DIXDC1: variants seen among roughly 807,000 people sequenced by gnomAD.
The protein encoded by DIXDC1 is dixin.
A neutral mutation model predicts 103.1 loss-of-function variants in DIXDC1; 64 were observed. The ratio of observed to expected loss-of-function variants is 0.62; its 90% CI spans 0.51 to 0.76. The LOEUF (loss-of-function observed/expected upper bound fraction) is 0.76. Among genes scored for constraint, DIXDC1 ranks in the 30% least tolerant of loss-of-function variants. The pLI is 0.00. For synonymous variants in DIXDC1, 266 were observed against 298.5 expected (o/e 0.89, Z 1.12); for missense variants, 759 against 834.2 (o/e 0.91, Z 1.11).
rs1555167496 is a variant in DIXDC1, at chr11:111,929,920, T to C, written c.57+10T>C. On this transcript the variant is annotated intron_variant, in intron 2 of 5. Coordinates refer to the DIXDC1 transcript ENST00000529225. ...GCCAACAGAGCCTTCTGTAAGTTTTTGGTGTACTATTGTGAAAAGCGTGAT... is the reference window on the plus strand; with the variant it reads ...GCCAACAGAGCCTTCTGTAAGTTTTCGGTGTACTATTGTGAAAAGCGTGAT... 2.6e-6 allele frequency: 4 copies of C among 1,535,642 alleles called. No homozygotes were observed. In the African/African-American group the frequency reaches 5.5e-5, roughly 21 times the overall value.
rs1861788252 is a variant in DIXDC1, at chr11:112,022,449, T to C, written c.*3413T>C. On this transcript the variant is annotated 3_prime_UTR_variant, in exon 20 of 20. Transcript: ENST00000440460. The surrounding 1 kb of genome is among the most constrained non-coding windows in gnomAD (Gnocchi z 4.9). ...GTATTCTCCCTGTTTTACAATATGT[T>C]TTCATGAAGACTATGTTACACCAGA... The C allele has an allele frequency of 6.6e-6, 1 of 152,664 alleles. No homozygotes were observed. The highest frequency in any genetic ancestry group is 2.1e-4 in the South Asian group (1 of 4,838). The allele number at this position is 152,664 out of a possible 1,614,324, so 9.5% of individuals were successfully genotyped here.
At position 111,957,998 on chromosome 11, in the gene DIXDC1, G is replaced by A. The variant is rs114660891; in HGVS notation, c.61-6551G>A. Among the ~76,000 whole-genome samples, 616 of 152,358 alleles carry A rather than the reference G, an allele frequency of 4.0e-3. 3 individuals are homozygous for A. Among genetic ancestry groups the A allele is most frequent in the African/African-American group, 0.014 (571 of 41,580 alleles). ...AGCCTGCCCCCTCTGAGTTGGCAGG[G>A]TGGGAGCTTTATGCTCTCTGGGTGC... On this transcript the variant is annotated intron_variant, in intron 1 of 19. Transcript: ENST00000440460.
Position 111,993,021 on chromosome 11 carries a change from GT to G in DIXDC1, c.1272+20del. ...GAATATAAAGTAAGAATGAATATCAGTTTGGAAATGACTTCCACTGACTTTT... is the reference window on the plus strand; with the variant it reads ...GAATATAAAGTAAGAATGAATATCAGTTGGAAATGACTTCCACTGACTTTT... On this transcript the variant is annotated intron_variant, in intron 12 of 19. Coordinates refer to ENST00000440460, the MANE Select transcript of DIXDC1 (RefSeq NM_001037954.4). 1 of 1,589,418 alleles carries G rather than the reference GT, an allele frequency of 6.3e-7. No individual in the cohort carries two copies.
intron 2 of DIXDC1, among the ~76,000 whole-genome samples, chr11:111,966,639 G>A (rs1208142584): frequency 6.6e-6 from 1 of 152,090 alleles, no homozygotes; most frequent in African/African-American, 2.4e-5. Flanking sequence ...TCTTGACCTC[G>A]TGATCTGCCT....
upstream of DIXDC1, chr11:111,937,140 G>C (rs1386623561): frequency 5.3e-5 from 40 of 749,810 alleles, 1 homozygote; most frequent in East Asian, 1.3e-4. Context: ...GCGGGGGGGG[G>C]GTGTGCGCGT....
chr11:111,970,070 T>G (rs1859863604), intron 3 of DIXDC1, among the ~76,000 whole-genome samples: 1 of 152,162 alleles, frequency 6.6e-6, no homozygotes, highest in African/African-American at 2.4e-5. Flanking sequence ...TGTTTTACTT[T>G]TTTGAGATAG....
chr11:111,975,570 A>G (rs1186017180), intron 5 of DIXDC1: 2 of 985,642 alleles, frequency 2.0e-6, no homozygotes, highest in Non-Finnish European at 1.2e-6. Flanking sequence ...GTGCCCTAAT[A>G]AAAACCTTAT....
Position 112,016,323 on chromosome 11 carries a change from C to T in DIXDC1, c.1757-368C>T, listed in dbSNP as rs187386759. On this transcript the variant is annotated intron_variant, in intron 17 of 19. Coordinates refer to ENST00000440460, the MANE Select transcript of DIXDC1 (RefSeq NM_001037954.4). ...TGAGTCACATGAGTATTCTCTACTACGGACCTCCAAAACCTAAATATTGGC... is the reference window on the plus strand; with the variant it reads ...TGAGTCACATGAGTATTCTCTACTATGGACCTCCAAAACCTAAATATTGGC... Among the ~76,000 whole-genome samples the T allele has an allele frequency of 3.1e-3, 479 of 152,148 alleles. 4 individuals are homozygous for T. Among genetic ancestry groups the T allele is most frequent in the African/African-American group, 0.01 (424 of 41,506 alleles).
Position 112,019,062 on chromosome 11 carries a change from T to A in DIXDC1, c.*26T>A, listed in dbSNP as rs781996877. 1 of 1,595,682 alleles carries A rather than the reference T, an allele frequency of 6.3e-7. No homozygotes were observed. Among genetic ancestry groups the A allele is most frequent in the Non-Finnish European group, 8.6e-7 (1 of 1,164,316 alleles). ...TGCCAAGTATCAGATTGAGGGCTTA[T>A]GGAACCTGGTCACTCCCTGGCTGCT... On this transcript the variant is annotated 3_prime_UTR_variant, in exon 20 of 20. Coordinates refer to ENST00000440460, the MANE Select transcript of DIXDC1 (RefSeq NM_001037954.4).
At chr11:111,929,715 G>A (rs1454007833) in intron 1 of DIXDC1, 3 of 624,866 alleles carry the variant, frequency 4.8e-6, no homozygotes, top group South Asian at 2.3e-5. Context: ...ACTTAAGTTG[G>A]TAGGTTTTGG....
chr11:112,008,153 G>T (rs1402934347), intron 17 of DIXDC1, among the ~76,000 whole-genome samples: 1 of 143,578 alleles, frequency 7.0e-6, no homozygotes, highest in African/African-American at 2.6e-5. Flanking sequence ...AAAAAGAAAA[G>T]CAGGGATTGA....
chr11:112,013,078 G>C (rs1555177359), intron 17 of DIXDC1, among the ~76,000 whole-genome samples: 1 of 152,150 alleles, frequency 6.6e-6, no homozygotes, highest in African/African-American at 2.4e-5. Flanking sequence ...TACAAGATCA[G>C]GTTGCCAGCA....
intron 1 of DIXDC1, among the ~76,000 whole-genome samples, chr11:111,951,888 T>C (rs1261751266): frequency 1.4e-5 from 2 of 147,844 alleles, no homozygotes; most frequent in African/African-American, 2.5e-5. Context: ...TTTTTTGTGA[T>C]GGAGTCTCAC....
intron 1 of DIXDC1, among the ~76,000 whole-genome samples, chr11:111,948,004 T>G (rs587732863): frequency 6.6e-6 from 1 of 152,142 alleles, no homozygotes; most frequent in Admixed American, 6.5e-5. Flanking sequence ...AATCAAAAAT[T>G]TAAAAAAAGA....
intron 2 of DIXDC1, among the ~76,000 whole-genome samples, chr11:111,965,785 T>A (rs1015382903): frequency 6.6e-6 from 1 of 152,192 alleles, no homozygotes; most frequent in African/African-American, 2.4e-5. Context: ...TTTGATTTAT[T>A]TATGATAGGT....
In DIXDC1 at chr11:111,985,223, G is replaced by A. The variant is rs1555173685; in HGVS notation, c.919-9G>A. The A allele has an allele frequency of 6.2e-7, 1 of 1,611,064 alleles. No individual in the cohort carries two copies. The highest frequency in any genetic ancestry group is 8.5e-7 in the Non-Finnish European group (1 of 1,177,936). ...AGTTAAGTTTCTTTCTGCCTTTGTG[G>A]TTATTCAGGCCTTACTGCTCAATGG... On this transcript the variant is annotated splice_polypyrimidine_tract_variant and intron_variant, in intron 7 of 19. Coordinates refer to ENST00000440460, the MANE Select transcript of DIXDC1 (RefSeq NM_001037954.4).
At chr11:111,967,746 T>G (rs587661546) in intron 2 of DIXDC1, among the ~76,000 whole-genome samples, 72 of 152,338 alleles carry the variant, frequency 4.7e-4, no homozygotes, top group African/African-American at 1.6e-3. Context: ...CCAGTCAACT[T>G]TTAAAAACAT....
At chr11:112,002,588 C>A (rs1555176126) in intron 17 of DIXDC1, among the ~76,000 whole-genome samples, 1 of 151,938 alleles carries the variant, frequency 6.6e-6, no homozygotes, top group East Asian at 1.9e-4. Context: ...CTCAGGAGTT[C>A]GAGATCAGCC....
upstream of DIXDC1, chr11:111,937,076 C>T (rs1305323553): frequency 3.5e-6 from 1 of 285,576 alleles, no homozygotes; most frequent in Non-Finnish European, 4.9e-6. Context: ...GCCTAAAAGC[C>T]GTGTGAGTGT....
Sources: gnomAD v4.1 joint callset for allele counts (sites outside exome capture counted in the v4.1 genomes callset) on GRCh38, gnomAD v4.1.1 for gene constraint, Gnocchi (gnomAD v3.1) non-coding constraint, MANE v1.5 for transcripts, NCBI Gene and HGNC (gene_info 2026-07-23, HGNC 2026-07-21) for gene names.